Variants in FRMPD4 observed in about 807,000 individuals in gnomAD.
The protein encoded by FRMPD4 is FERM and PDZ domain-containing protein 4.
Under a neutral mutation model 94.1 loss-of-function variants are expected in FRMPD4, and 22 were observed. That is an observed-to-expected ratio of 0.23 (90% CI 0.17 to 0.33). The LOEUF (loss-of-function observed/expected upper bound fraction) is 0.33. Among genes scored for constraint, FRMPD4 ranks in the 10% least tolerant of loss-of-function variants. The pLI is 1.00. For missense variants in FRMPD4, 1,111 were observed against 1,339.9 expected, an observed-to-expected ratio of 0.83 and a Z score of 2.67; for synonymous variants, 631 against 548.6, an observed-to-expected ratio of 1.15 and a Z score of -2.10.
chrX:12,643,751 C>T (rs955101454), intron 4 of FRMPD4, among the ~76,000 whole-genome samples: 3 of 111,975 alleles, frequency 2.7e-5, no homozygotes, highest in Non-Finnish European at 5.6e-5. Flanking sequence ...GCGGAAATAA[C>T]GTAGGTGAGT....
At chrX:12,613,252 A>G (rs2059200775) in intron 3 of FRMPD4, among the ~76,000 whole-genome samples, 1 of 111,981 alleles carries the variant, frequency 8.9e-6, no homozygotes, top group Non-Finnish European at 1.9e-5. Flanking sequence ...ATATAGATGT[A>G]TGCTTCACTC....
intron 1 of FRMPD4, among the ~76,000 whole-genome samples, chrX:12,295,962 T>C (rs2054765698): frequency 9.0e-6 from 1 of 111,248 alleles, no homozygotes; most frequent in Non-Finnish European, 1.9e-5. Context: ...AAAAACCCTT[T>C]CCTTTAGAGC....
intron 1 of FRMPD4, among the ~76,000 whole-genome samples, chrX:12,477,028 C>T (rs1454199436): frequency 9.0e-6 from 1 of 111,389 alleles, no homozygotes; most frequent in Non-Finnish European, 1.9e-5. Flanking sequence ...TGGCACTATT[C>T]ACAATAGCAA....
At chrX:12,510,005 G>A (rs1463303410) in intron 2 of FRMPD4, among the ~76,000 whole-genome samples, 1 of 111,856 alleles carries the variant, frequency 8.9e-6, no homozygotes, top group African/African-American at 3.3e-5. Context: ...CTGTGATGGT[G>A]GATTATCACT....
At chrX:12,419,713 G>A (rs2056857673) in intron 1 of FRMPD4, among the ~76,000 whole-genome samples, 1 of 111,018 alleles carries the variant, frequency 9.0e-6, no homozygotes, top group African/African-American at 3.3e-5. Context: ...CAAATTCAAG[G>A]GCAAGTCCTT....
chrX:12,269,574 C>A (rs1230735524), intron 1 of FRMPD4, among the ~76,000 whole-genome samples: 1 of 112,252 alleles, frequency 8.9e-6, no homozygotes, highest in African/African-American at 3.2e-5. Flanking sequence ...CTAAGTAATG[C>A]TATTATAGTG....
chrX:12,323,118 G>C (rs1671880662), intron 1 of FRMPD4, among the ~76,000 whole-genome samples: 1 of 111,699 alleles, frequency 9.0e-6, no homozygotes, highest in South Asian at 3.8e-4. Flanking sequence ...TGGTAGCAAG[G>C]TTGGGGCAGC....
intron 3 of FRMPD4, among the ~76,000 whole-genome samples, chrX:11,949,925 A>G (rs1251387020): frequency 1.8e-5 from 2 of 112,280 alleles, no homozygotes; most frequent in African/African-American, 6.5e-5. Flanking sequence ...AAGGTGTTCA[A>G]CATGCTGCCT....
intron 1 of FRMPD4, among the ~76,000 whole-genome samples, chrX:12,392,029 TTTTA>T (rs1486366611): frequency 2.7e-5 from 3 of 110,500 alleles, no homozygotes; most frequent in African/African-American, 6.6e-5. Context: ...AAAGTTTTAA[TTTTA>T]TTTATTTATT....
At chrX:12,403,495 G>T (rs1459953188) in intron 1 of FRMPD4, among the ~76,000 whole-genome samples, 2 of 110,338 alleles carry the variant, frequency 1.8e-5, no homozygotes, top group African/African-American at 6.6e-5. Flanking sequence ...TTTTCTGATG[G>T]TTTTTAGCAC....
chrX:11,934,044 C>A (rs2054136652), intron 3 of FRMPD4, among the ~76,000 whole-genome samples: 1 of 112,071 alleles, frequency 8.9e-6, no homozygotes, highest in African/African-American at 3.2e-5. Context: ...GGTGGTTGAG[C>A]TAATCAAGAT....
intron 2 of FRMPD4, among the ~76,000 whole-genome samples, chrX:12,571,106 C>G (rs1474663173): frequency 9.0e-6 from 1 of 111,641 alleles, no homozygotes; most frequent in Non-Finnish European, 1.9e-5. Flanking sequence ...GATTCTCTAC[C>G]CAATCTTTAA....
chrX:12,218,508 G>T (rs1465259800), intron 1 of FRMPD4, among the ~76,000 whole-genome samples: 1 of 111,969 alleles, frequency 8.9e-6, no homozygotes, highest in Non-Finnish European at 1.9e-5. Context: ...TTTAGTTATT[G>T]TAGTTTATAT....
chrX:12,395,984 A>G lies in FRMPD4; in HGVS notation c.42-102696A>G, dbSNP rs946326001. ...CCTCAAGTTCGATGCTATTCTCTGC[A>G]TTTTTAAGCATGTGCAGCAAAAATT... is the stretch of plus-strand genomic sequence containing the variant. On this transcript the variant is annotated intron_variant, in intron 1 of 16. Transcript: ENST00000675598. The G allele has an allele frequency of 7.2e-5, 12 of 166,002 alleles. 1 individual carries two copies. Among genetic ancestry groups the G allele is most frequent in the African/African-American group, 2.8e-4 (9 of 32,431 alleles). 13.7% of individuals were successfully genotyped at this position (166,002 alleles called of 1,213,427 possible).
chrX:12,532,603 C>T (rs777823918), intron 2 of FRMPD4, among the ~76,000 whole-genome samples: 3 of 111,638 alleles, frequency 2.7e-5, no homozygotes, highest in South Asian at 7.7e-4. Flanking sequence ...ACCACTACTT[C>T]GAAAATTTGG....
intron 2 of FRMPD4, among the ~76,000 whole-genome samples, chrX:12,591,948 T>A (rs1284390178): frequency 9.0e-6 from 1 of 111,688 alleles, no homozygotes; most frequent in East Asian, 2.8e-4. Context: ...TTCTGTGTCC[T>A]GCCTCTCTTT....
chrX:12,456,238 T>C (rs2057332207), intron 1 of FRMPD4, among the ~76,000 whole-genome samples: 1 of 112,081 alleles, frequency 8.9e-6, no homozygotes, highest in Non-Finnish European at 1.9e-5. Flanking sequence ...TCAAGTCTTC[T>C]TTCTCCATCT....
Position 12,718,588 on chromosome X carries a change from A to C in FRMPD4, c.3762A>C (p.Lys1254Asn). ...GKHLIPDASG[K>N]GVNYIPSEER... ...ACTTGATTCCTGACGCTTCTGGGAA[A>C]GGCGTGAATTACATTCCTTCAGAGG... The change falls in exon 16 of 17, where the codon AAA becomes AAC. Residue 1254 changes from lysine to asparagine, a missense_variant. By Grantham distance (94) the Lys-to-Asn change is moderately conservative (BLOSUM62 0). Transcript: ENST00000675598. The C allele has an allele frequency of 8.3e-7, 1 of 1,210,484 alleles. No individual in the cohort carries two copies. The highest frequency in any genetic ancestry group is 1.1e-6 in the Non-Finnish European group (1 of 894,285).
chrX:12,268,025 G>T (rs2054300323), intron 1 of FRMPD4, among the ~76,000 whole-genome samples: 1 of 112,466 alleles, frequency 8.9e-6, no homozygotes, highest in Non-Finnish European at 1.9e-5. Flanking sequence ...ACGCAATTTG[G>T]ACAGGGTGGT....
Sources: gnomAD v4.1 joint callset for allele counts (sites outside exome capture counted in the v4.1 genomes callset) on GRCh38, gnomAD v4.1.1 for gene constraint, MANE v1.5 for transcripts, NCBI Gene and HGNC (gene_info 2026-07-23, HGNC 2026-07-21) for gene names.